Variants in CRTAC1 observed in about 807,000 individuals in gnomAD.
The protein encoded by CRTAC1 is cartilage acidic protein 1.
CRTAC1 carries 37 observed loss-of-function variants against 67.8 expected under a neutral mutation model. The observed-to-expected ratio is 0.55, with a 90% CI of 0.42 to 0.72. The LOEUF is 0.72. CRTAC1 is among the 30% of genes least tolerant of loss of function. CRTAC1 has a pLI of 0.00. For missense variants in CRTAC1, 780 were observed against 931.6 expected (o/e 0.84, Z 2.12); for synonymous variants, 348 against 371.0 (o/e 0.94, Z 0.71).
At chr10:97,923,488 A>G (rs1415021165) in intron 3 of CRTAC1, 88 bp from the exon 4 acceptor site, 179 of 1,549,534 alleles carry the variant, frequency 1.2e-4, no homozygotes, top group Non-Finnish European at 1.4e-4. Flanking sequence ...CACCTTTCAC[A>G]AGGTGGTTGG....
intron 2 of CRTAC1, among the ~76,000 whole-genome samples, chr10:97,994,651 T>C (rs1842521867): frequency 6.6e-6 from 1 of 152,144 alleles, no homozygotes; most frequent in Non-Finnish European, 1.5e-5. Context: ...CAAGTGGTAG[T>C]TGTGATATAC....
Position 97,908,052 on chromosome 10 carries a change from G to A in CRTAC1, c.811C>T (p.Arg271Trp), listed in dbSNP as rs369926645. ...ENGPNFLFHN[R>W]GDGTFVDAAA... is the part of the protein sequence containing the mutation. ...GCGTCCACAAAGGTGCCATCGCCCC[G>A]GTTGTGGAAAAGGAAGTTAGGCCCA... The change falls in exon 6 of 15, where the codon CGG (arginine) becomes TGG (tryptophan). Residue 271 changes from arginine (R) to tryptophan (W), a missense_variant. Arg to Trp is a moderately radical substitution (Grantham distance 101). Transcript: ENST00000370597. 2.5e-4 allele frequency: 398 copies of A among 1,614,062 alleles called. No individual in the cohort carries two copies. The highest frequency in any genetic ancestry group is 3.3e-4 in the Non-Finnish European group (386 of 1,180,016).
At chr10:97,986,459 G>A (rs1406125947) in intron 2 of CRTAC1, among the ~76,000 whole-genome samples, 1 of 152,146 alleles carries the variant, frequency 6.6e-6, no homozygotes, top group Non-Finnish European at 1.5e-5. Flanking sequence ...AGATGTCATG[G>A]CACAGTGAAC....
chr10:97,908,228 G>A, intron 5 of CRTAC1, 81 bp from the exon 6 acceptor site: 1 of 1,482,790 alleles, frequency 6.7e-7, no homozygotes, highest in Non-Finnish European at 9.3e-7. Flanking sequence ...TCTGAGGCCT[G>A]AGGGGAACTG....
At chr10:97,877,318 G>A (rs2050159247) in intron 14 of CRTAC1, among the ~76,000 whole-genome samples, 1 of 152,184 alleles carries the variant, frequency 6.6e-6, no homozygotes, top group Non-Finnish European at 1.5e-5. Flanking sequence ...GCGTAGGGGT[G>A]GCAACAATGT....
intron 11 of CRTAC1, among the ~76,000 whole-genome samples, chr10:97,886,940 C>T (rs987329225): frequency 2.6e-5 from 4 of 151,874 alleles, no homozygotes; most frequent in Middle Eastern, 3.4e-3. Context: ...CCACCACACC[C>T]GGCCAGATTT....
chr10:97,926,329 T>A (rs1352805074), intron 3 of CRTAC1, among the ~76,000 whole-genome samples: 1 of 152,198 alleles, frequency 6.6e-6, no homozygotes, highest in Non-Finnish European at 1.5e-5. Flanking sequence ...CAGGTCTTGG[T>A]TTCCTCATCT....
At chr10:97,962,295 T>C (rs1207840382) in intron 2 of CRTAC1, among the ~76,000 whole-genome samples, 1 of 140,938 alleles carries the variant, frequency 7.1e-6, no homozygotes, top group Non-Finnish European at 1.5e-5. Context: ...ACCTCGAAGT[T>C]TCTGATCCAC....
chr10:98,011,498 C>T (rs970426936), intron 1 of CRTAC1, among the ~76,000 whole-genome samples, 161 bp from the exon 2 acceptor site: 27 of 152,158 alleles, frequency 1.8e-4, no homozygotes, highest in African/African-American at 6.3e-4. Context: ...CCTCCCCTCC[C>T]TTGCCCTCCC....
chr10:97,921,467 C>T (rs117745790), intron 4 of CRTAC1, among the ~76,000 whole-genome samples: 2,208 of 152,292 alleles, frequency 0.014, 27 homozygotes, highest in Middle Eastern at 0.044. Context: ...GGTCAAGTTG[C>T]CTAATTTCTC....
At chr10:97,891,963 A>G (rs1001197039) in intron 11 of CRTAC1, among the ~76,000 whole-genome samples, 2 of 152,216 alleles carry the variant, frequency 1.3e-5, no homozygotes, top group African/African-American at 4.8e-5. Context: ...GACCCTGTCA[A>G]CAGAGAGAGG....
chr10:97,951,980 G>A (rs2051362998), intron 2 of CRTAC1, among the ~76,000 whole-genome samples: 1 of 152,174 alleles, frequency 6.6e-6, no homozygotes, highest in South Asian at 2.1e-4. Flanking sequence ...TGTTTCAGAA[G>A]GGCTGGTCTG....
chr10:97,951,037 C>A (rs1476620151), intron 2 of CRTAC1, among the ~76,000 whole-genome samples: 1 of 152,206 alleles, frequency 6.6e-6, no homozygotes, highest in Non-Finnish European at 1.5e-5. Flanking sequence ...AATTCCCCCA[C>A]AATGACTATC....
At chr10:97,992,515 T>G (rs572165226) in intron 2 of CRTAC1, among the ~76,000 whole-genome samples, 1 of 152,336 alleles carries the variant, frequency 6.6e-6, no homozygotes, top group East Asian at 1.9e-4. Flanking sequence ...GCAACATTAT[T>G]CACAACAGCT....
chr10:97,941,615 T>C (rs1394878866), intron 2 of CRTAC1, among the ~76,000 whole-genome samples: 1 of 152,284 alleles, frequency 6.6e-6, no homozygotes, highest in Non-Finnish European at 1.5e-5. Flanking sequence ...TGCGTCAGAC[T>C]TGGCTGTCCC....
At chr10:98,002,224 T>C (rs1313247501) in intron 2 of CRTAC1, among the ~76,000 whole-genome samples, 1 of 152,246 alleles carries the variant, frequency 6.6e-6, no homozygotes, top group Non-Finnish European at 1.5e-5. Flanking sequence ...GACTACTAAA[T>C]GTAGCTTTGC....
intron 2 of CRTAC1, among the ~76,000 whole-genome samples, chr10:97,998,062 C>T (rs1157516341): frequency 6.6e-6 from 1 of 152,044 alleles, no homozygotes; most frequent in Admixed American, 6.6e-5. Flanking sequence ...CCTTGATTTC[C>T]CAGGTTCAAG....
At chr10:97,912,925 A>G (rs766143402) in intron 5 of CRTAC1, among the ~76,000 whole-genome samples, 1 of 152,198 alleles carries the variant, frequency 6.6e-6, no homozygotes, top group Non-Finnish European at 1.5e-5. Context: ...GTGCCCATCT[A>G]GCCCTGCACC....
intron 2 of CRTAC1, among the ~76,000 whole-genome samples, chr10:97,985,888 T>G (rs2051973663): frequency 3.3e-5 from 5 of 152,168 alleles, no homozygotes; most frequent in Admixed American, 3.3e-4. Context: ...CCAAGAGCTC[T>G]GGGGATCCCA....
Sources: allele counts gnomAD v4.1 joint callset (sites outside exome capture counted in the v4.1 genomes callset), GRCh38; gene constraint gnomAD v4.1.1; transcripts MANE v1.5; gene names NCBI Gene and HGNC (gene_info 2026-07-23, HGNC 2026-07-21).